The following FNDC1 variants were observed in gnomAD, a reference collection of about 807,000 sequenced individuals.
FNDC1 encodes the protein fibronectin type III domain containing 1.
Under a neutral mutation model 168.0 loss-of-function variants are expected in FNDC1, and 96 were observed. The ratio of observed to expected loss-of-function variants is 0.57; its 90% CI spans 0.48 to 0.68. FNDC1 has a LOEUF of 0.68. FNDC1 is among the 30% of genes least tolerant of loss of function. The pLI is 0.00. For synonymous variants in FNDC1, 1,099 were observed against 1,025.9 expected, an observed-to-expected ratio of 1.07 and a Z score of -1.36; for missense variants, 2,587 against 2,482.1, an observed-to-expected ratio of 1.04 and a Z score of -0.90.
Position 159,266,199 on chromosome 6 carries a change from T to C in FNDC1, c.5400T>C (p.Leu1800=), listed in dbSNP as rs1364715267. ...TWYRKFVGVV[L]CNSLRYKIYL... is the part of the protein sequence containing the mutation. ...ATCGAAAGTTCGTGGGAGTTGTTCTTTGTAATTCACTGAGGTATAAAATCT... is the reference window on the plus strand; with the variant it reads ...ATCGAAAGTTCGTGGGAGTTGTTCTCTGTAATTCACTGAGGTATAAAATCT... The change falls in exon 21 of 23, where the codon CTT becomes CTC. Residue 1800 remains leucine (L), a synonymous_variant. Transcript: ENST00000297267. 6.2e-7 allele frequency: 1 copy of C among 1,613,894 alleles called. No homozygotes were observed. The highest frequency in any genetic ancestry group is 8.5e-7 in the Non-Finnish European group (1 of 1,179,900).
intron 12 of FNDC1, among the ~76,000 whole-genome samples, chr6:159,236,775 A>G (rs933606624): frequency 6.6e-6 from 1 of 152,222 alleles, no homozygotes. Context: ...CAAACAAAAA[A>G]CCCTGAATGA....
At chr6:159,191,872 CTTT>C (rs933606146) in intron 1 of FNDC1, among the ~76,000 whole-genome samples, 2 of 150,858 alleles carry the variant, frequency 1.3e-5, no homozygotes, top group African/African-American at 4.9e-5. Context: ...ATTAGTCGTG[CTTT>C]TTTTTTGTGA....
Position 159,239,612 on chromosome 6 carries a change from A to G in FNDC1, c.4276A>G (p.Ile1426Val), listed in dbSNP as rs1783356211. 2 of 1,576,010 alleles carry G rather than the reference A, an allele frequency of 1.3e-6. No homozygotes were observed. Among genetic ancestry groups the G allele is most frequent in the South Asian group, 1.2e-5 (1 of 85,958 alleles). ...TPLANAQDKP[I>V]LSLGGKPLVG... ...TCTGGCCAATGCCCAAGATAAGCCA[A>G]TTTTGAGTCTTGGAGGAAAGCCGCT... Residue 1426 changes from isoleucine (I) to valine (V), a missense_variant, in exon 14 of 23, where the codon ATT becomes GTT. Transcript: ENST00000297267.
intron 17 of FNDC1, 53 bp downstream of exon 17, chr6:159,251,585 G>C: frequency 6.7e-7 from 1 of 1,492,798 alleles, no homozygotes; most frequent in Non-Finnish European, 9.2e-7. Context: ...GGGAAATGTG[G>C]ACAATAAAGA....
chr6:159,220,887 C>T lies in FNDC1; in HGVS notation c.668-711C>T, dbSNP rs1290446528. Among the ~76,000 whole-genome samples the T allele has an allele frequency of 4.6e-5, 7 of 152,210 alleles. No homozygotes were observed. The South Asian group carries it at 1.0e-3, about 23-fold the overall frequency. On this transcript the variant is annotated intron_variant, in intron 5 of 22. Coordinates refer to ENST00000297267, the MANE Select transcript of FNDC1 (RefSeq NM_032532.3). ...CTGGTTGAAAAGAATCCACGTATAA[C>T]GTGGATCTGCACAGTTCAAACCTGT...
Position 159,232,393 on chromosome 6 carries a change from G to A in FNDC1, c.1881G>A (p.Gln627=). The change falls in exon 11 of 23, where the codon CAG becomes CAA. Residue 627 remains glutamine, a synonymous_variant. Coordinates refer to ENST00000297267, the MANE Select transcript of FNDC1 (RefSeq NM_032532.3). The surrounding 1 kb of genome is among the most constrained non-coding windows in gnomAD (Gnocchi z 4.9). ...SASPAHHAST[Q]GTSHRPSLPA... ...CTCCTGCCCACCACGCGTCCACCCA[G>A]GGCACCTCTCATCGTCCTTCCCTGC... 6.2e-7 allele frequency: 1 copy of A among 1,613,134 alleles called. No individual in the cohort carries two copies. Among genetic ancestry groups the A allele is most frequent in the Non-Finnish European group, 8.5e-7 (1 of 1,179,392 alleles).
At chr6:159,235,199 G>A (rs1230488318) in intron 11 of FNDC1, among the ~76,000 whole-genome samples, 2 of 152,194 alleles carry the variant, frequency 1.3e-5, no homozygotes, top group African/African-American at 4.8e-5. Context: ...CTATGAACTG[G>A]AATTTATGTC....
At chr6:159,266,678 G>A (rs1161852455) in intron 21 of FNDC1, among the ~76,000 whole-genome samples, 4 of 42,390 alleles carry the variant, frequency 9.4e-5, no homozygotes, top group African/African-American at 2.9e-4. Flanking sequence ...TAGAAATCTA[G>A]GGTTTTTTTT....
intron 14 of FNDC1, among the ~76,000 whole-genome samples, chr6:159,242,619 A>G (rs951120903): frequency 1.3e-5 from 2 of 152,222 alleles, no homozygotes; most frequent in African/African-American, 4.8e-5. Context: ...CAGTTGTGCA[A>G]TGATCACCAC....
intron 1 of FNDC1, among the ~76,000 whole-genome samples, chr6:159,183,921 T>A (rs966423126): frequency 6.6e-6 from 1 of 152,242 alleles, no homozygotes. Flanking sequence ...GGCTTTCAGT[T>A]TTATATCTTT....
intron 1 of FNDC1, among the ~76,000 whole-genome samples, chr6:159,186,227 G>A (rs1781995923): frequency 6.6e-6 from 1 of 152,112 alleles, no homozygotes. Flanking sequence ...GGGAAGGAGG[G>A]AGTAAAGTAG....
At chr6:159,184,549 T>C (rs1314040169) in intron 1 of FNDC1, among the ~76,000 whole-genome samples, 1 of 152,210 alleles carries the variant, frequency 6.6e-6, no homozygotes, top group Non-Finnish European at 1.5e-5. Flanking sequence ...CTCTTGGTCA[T>C]GTCTGTCTCA....
rs368743984 is a variant in FNDC1, at chr6:159,234,083, G to A, written c.3571G>A (p.Gly1191Arg). 36 of 1,611,790 alleles carry A rather than the reference G, an allele frequency of 2.2e-5. No homozygotes were observed. Among genetic ancestry groups the A allele is most frequent in the Non-Finnish European group, 3.1e-5 (36 of 1,179,146 alleles). ...GGAGGACGCGGGATTTTTTAAAGGCGGGAAAGAAGACCTTCTGTCTTCCTC... is the reference window on the plus strand; with the variant it reads ...GGAGGACGCGGGATTTTTTAAAGGCAGGAAAGAAGACCTTCTGTCTTCCTC... Reference protein sequence around the residue: ...EEEDAGFFKGGKEDLLSSSVP... With the variant: ...EEEDAGFFKGRKEDLLSSSVP... The change falls in exon 11 of 23, where the codon GGG (glycine) becomes AGG (arginine). Residue 1191 changes from glycine to arginine, a missense_variant. Coordinates refer to ENST00000297267, the MANE Select transcript of FNDC1 (RefSeq NM_032532.3).
At chr6:159,265,712 G>A (rs1051263192) in intron 20 of FNDC1, among the ~76,000 whole-genome samples, 4 of 152,038 alleles carry the variant, frequency 2.6e-5, no homozygotes, top group Non-Finnish European at 4.4e-5. Flanking sequence ...GGCGGATTGC[G>A]AGGTCAGGAG....
chr6:159,233,369 C>CG lies in FNDC1; in HGVS notation c.2857_2858insG (p.Gln953ArgfsTer237). Reference sequence around the variant, plus strand: ...CCTGGCCTCCAAGGCTCAGGATGTTCAACAGAGCACAGACGCGGACACGGA... The same window carrying CG: ...CCTGGCCTCCAAGGCTCAGGATGTTCGAACAGAGCACAGACGCGGACACGGA... On this transcript the variant is annotated frameshift_variant, in exon 11 of 23. Transcript: ENST00000297267. LOFTEE classifies it high-confidence loss of function. The surrounding 1 kb of genome is among the most constrained non-coding windows in gnomAD (Gnocchi z 4.6). The CG allele has an allele frequency of 6.2e-7, 1 of 1,613,836 alleles. No individual in the cohort carries two copies. The highest frequency in any genetic ancestry group is 8.5e-7 in the Non-Finnish European group (1 of 1,179,834).
intron 21 of FNDC1, among the ~76,000 whole-genome samples, chr6:159,266,686 T>TGC (rs1562314514): frequency 7.9e-6 from 1 of 125,798 alleles, no homozygotes; most frequent in Non-Finnish European, 1.6e-5. Context: ...TAGGGTTTTT[T>TGC]TTTTTTTTTT....
At chr6:159,189,979 C>T (rs1782097260) in intron 1 of FNDC1, among the ~76,000 whole-genome samples, 1 of 152,142 alleles carries the variant, frequency 6.6e-6, no homozygotes, top group Non-Finnish European at 1.5e-5. Context: ...AATTTTCAGC[C>T]TGGAGGTCAG....
intron 18 of FNDC1, among the ~76,000 whole-genome samples, chr6:159,259,048 T>C (rs1056670952): frequency 5.3e-5 from 8 of 152,212 alleles, no homozygotes; most frequent in Non-Finnish European, 2.9e-5. Context: ...GGAGTCTGCA[T>C]ATTTTAAATC....
intron 5 of FNDC1, among the ~76,000 whole-genome samples, chr6:159,220,450 A>G (rs1255820527): frequency 6.6e-6 from 1 of 152,214 alleles, no homozygotes; most frequent in Non-Finnish European, 1.5e-5. Flanking sequence ...ATTCTTGAAA[A>G]GATTAAAGCT....
Sources: allele counts gnomAD v4.1 joint callset (sites outside exome capture counted in the v4.1 genomes callset), GRCh38; gene constraint gnomAD v4.1.1; non-coding constraint Gnocchi (gnomAD v3.1); transcripts MANE v1.5; gene names NCBI Gene and HGNC (gene_info 2026-07-23, HGNC 2026-07-21).